WDR20: variants seen among roughly 807,000 people sequenced by gnomAD.
WDR20 encodes WD repeat domain 20.
Under a neutral mutation model 38.7 loss-of-function variants are expected in WDR20, and 3 were observed. The observed-to-expected ratio is 0.08, with a 90% CI of 0.04 to 0.20. The LOEUF is 0.20. Among genes scored for constraint, WDR20 ranks in the 10% least tolerant of loss-of-function variants. WDR20 has a pLI of 1.00. For synonymous variants in WDR20, 298 were observed against 285.6 expected (o/e 1.04, Z -0.44); for missense variants, 559 against 727.7 (o/e 0.77, Z 2.67).
At chr14:102,192,548 A>C (rs2058690888) in intron 1 of WDR20, among the ~76,000 whole-genome samples, 1 of 152,162 alleles carries the variant, frequency 6.6e-6, no homozygotes, top group African/African-American at 2.4e-5. Context: ...TTTTCAGTAA[A>C]GTTCCATATT....
downstream of WDR20, chr14:102,214,904 G>A: frequency 1.0e-6 from 1 of 984,170 alleles, no homozygotes; most frequent in Non-Finnish European, 1.2e-6. Context: ...CCTTGTCACT[G>A]TCACAGCTAA....
chr14:102,148,669 T>TTGTGTGTGTG (rs10525828), intron 1 of WDR20, among the ~76,000 whole-genome samples: 2,046 of 144,886 alleles, frequency 0.014, 22 homozygotes, highest in Middle Eastern at 0.032. Context: ...GAGTTTGGCT[T>TTGTGTGTGTG]TGTGTGTGTG....
At chr14:102,152,909 G>A (rs1370258795) in intron 1 of WDR20, among the ~76,000 whole-genome samples, 1 of 152,170 alleles carries the variant, frequency 6.6e-6, no homozygotes, top group African/African-American at 2.4e-5. Context: ...ATAAGCTAGG[G>A]ACTTATATTG....
rs116387028 is a variant in WDR20, at chr14:102,175,567, G to T, written c.250-19371G>T. 4.6e-3 allele frequency among the ~76,000 whole-genome samples: 692 copies of T among 152,026 alleles called. 6 individuals carry two copies. The highest frequency in any genetic ancestry group is 0.015 in the African/African-American group (641 of 41,464). ...TTTGTTTTCATATGAATTTTAGGATGGTTTTTCCTAGTTTGGTGAAGAATG... is the reference window on the plus strand; with the variant it reads ...TTTGTTTTCATATGAATTTTAGGATTGTTTTTCCTAGTTTGGTGAAGAATG... On this transcript the variant is annotated intron_variant, in intron 1 of 2. Coordinates refer to ENST00000342702, the MANE Select transcript of WDR20 (RefSeq NM_144574.4).
intron 1 of WDR20, among the ~76,000 whole-genome samples, chr14:102,158,193 A>T (rs2152756103): frequency 6.6e-6 from 1 of 152,292 alleles, no homozygotes; most frequent in African/African-American, 2.4e-5. Context: ...GTTGAAGGAT[A>T]GCACATCTGT....
downstream of WDR20, among the ~76,000 whole-genome samples, chr14:102,211,896 C>T (rs774275771): frequency 2.6e-5 from 4 of 152,226 alleles, no homozygotes; most frequent in Admixed American, 6.5e-5. This position sits in a 1 kb window ranked among gnomAD's most constrained non-coding sequence, Gnocchi z 4.2. Flanking sequence ...ACATTTCTGG[C>T]GACCTTGCAG....
In WDR20 at chr14:102,195,104, A is replaced by G. The variant is rs779393048; in HGVS notation, c.416A>G (p.Lys139Arg). The G allele has an allele frequency of 5.6e-6, 9 of 1,614,086 alleles. No homozygotes were observed. The South Asian group carries it at 8.8e-5, about 16-fold the overall frequency. ...GACCCAATCAAAAAAGAAACTAGCA[A>G]ACTTTTTAATGAGGAAGTAAGTAGC... is the stretch of plus-strand genomic sequence containing the variant. ...LIDPIKKETS[K>R]LFNEERLIDK... Residue 139 changes from lysine to arginine, a missense_variant, in exon 2 of 3, where the codon AAA becomes AGA. Lys to Arg is a conservative substitution (Grantham distance 26). Coordinates refer to ENST00000342702, the MANE Select transcript of WDR20 (RefSeq NM_144574.4).
Position 102,205,916 on chromosome 14 carries a change from G to A in WDR20, c.433-2687G>A, listed in dbSNP as rs144614325. 1.5e-3 allele frequency among the ~76,000 whole-genome samples: 222 copies of A among 152,192 alleles called. 2 individuals carry two copies. Among genetic ancestry groups the A allele is most frequent in the African/African-American group, 5.1e-3 (211 of 41,506 alleles). On this transcript the variant is annotated intron_variant, in intron 2 of 2. Coordinates refer to ENST00000342702, the MANE Select transcript of WDR20 (RefSeq NM_144574.4). Reference sequence around the variant, plus strand: ...CCCACAGGGGGATTGAAGTAGATTGGCACAGGATGTTATCTGTAAGTTACA... The same window carrying A: ...CCCACAGGGGGATTGAAGTAGATTGACACAGGATGTTATCTGTAAGTTACA...
chr14:102,202,010 TC>T (rs1343955745), intron 2 of WDR20, among the ~76,000 whole-genome samples: 4 of 151,998 alleles, frequency 2.6e-5, no homozygotes, highest in Non-Finnish European at 5.9e-5. Flanking sequence ...CTGTCTCTGT[TC>T]CCCAGCACCT....
chr14:102,173,465 TTATTATTATTA>T (rs1566913378), intron 1 of WDR20, among the ~76,000 whole-genome samples: 8 of 145,366 alleles, frequency 5.5e-5, no homozygotes, highest in South Asian at 2.1e-4. Flanking sequence ...ATTATTATTA[TTATTATTATTA>T]TTATTTTTAT....
chr14:102,190,565 C>T (rs2066093791), intron 1 of WDR20, among the ~76,000 whole-genome samples: 1 of 151,992 alleles, frequency 6.6e-6, no homozygotes, highest in South Asian at 2.1e-4. Flanking sequence ...TGCACTCCAG[C>T]CTGGGCAACA....
intron 1 of WDR20, among the ~76,000 whole-genome samples, chr14:102,158,266 C>T (rs991537132): frequency 2.0e-5 from 3 of 152,142 alleles, no homozygotes; most frequent in African/African-American, 7.2e-5. Context: ...TGCTGACAAG[C>T]AGTTGCACCA....
intron 2 of WDR20, among the ~76,000 whole-genome samples, chr14:102,203,913 T>C (rs2061003137): frequency 6.6e-6 from 1 of 152,224 alleles, no homozygotes; most frequent in Non-Finnish European, 1.5e-5. Context: ...ATTTATTTAA[T>C]TAAATGTTCT....
chr14:102,217,993 T>G (rs1452079384), downstream of WDR20, among the ~76,000 whole-genome samples: 2 of 152,224 alleles, frequency 1.3e-5, no homozygotes, highest in Non-Finnish European at 2.9e-5. Context: ...CTTCTCCCTC[T>G]GGGGGACGCC....
At chr14:102,188,113 A>G (rs2065315133) in intron 1 of WDR20, among the ~76,000 whole-genome samples, 1 of 152,228 alleles carries the variant, frequency 6.6e-6, no homozygotes, top group South Asian at 2.1e-4. Flanking sequence ...TGATTCATTT[A>G]AAATTATGTC....
intron 2 of WDR20, chr14:102,197,845 C>T (rs1400240498): frequency 2.9e-6 from 2 of 701,458 alleles, no homozygotes; most frequent in Non-Finnish European, 5.2e-6. Context: ...AGTAACTGTC[C>T]AGGTGAGAGC....
chr14:102,185,538 C>G (rs1435446931), intron 1 of WDR20, among the ~76,000 whole-genome samples: 1 of 152,144 alleles, frequency 6.6e-6, no homozygotes, highest in Non-Finnish European at 1.5e-5. Flanking sequence ...GACTCTACCA[C>G]TGGGTTCCTC....
At chr14:102,160,106 AAAAC>A (rs1364692179) in intron 1 of WDR20, among the ~76,000 whole-genome samples, 3 of 152,144 alleles carry the variant, frequency 2.0e-5, no homozygotes, top group African/African-American at 2.4e-5. Flanking sequence ...CCTGTCTCTA[AAAAC>A]AAACAAAAAA....
At chr14:102,184,295 A>G (rs1473180940) in intron 1 of WDR20, among the ~76,000 whole-genome samples, 1 of 152,200 alleles carries the variant, frequency 6.6e-6, no homozygotes. Context: ...TCCGTGGAGT[A>G]CAGCATCAGA....
Sources: allele counts gnomAD v4.1 joint callset (sites outside exome capture counted in the v4.1 genomes callset), GRCh38; gene constraint gnomAD v4.1.1; non-coding constraint Gnocchi (gnomAD v3.1); transcripts MANE v1.5; gene names NCBI Gene and HGNC (gene_info 2026-07-23, HGNC 2026-07-21).